Variants in NECTIN3 observed in about 807,000 individuals in gnomAD.
NECTIN3 encodes the protein nectin-3.
NECTIN3 carries 8 observed loss-of-function variants against 49.4 expected under a neutral mutation model. The observed-to-expected ratio is 0.16, with a 90% CI of 0.10 to 0.29. The LOEUF (loss-of-function observed/expected upper bound fraction) is 0.29, where lower values mean the gene tolerates loss of function less well. NECTIN3 is among the 10% of genes least tolerant of loss of function. The probability of loss-of-function intolerance (pLI) is 1.00; values close to 1 mark genes in which losing one functional copy is unlikely to be tolerated. For missense variants in NECTIN3, 581 were observed against 654.6 expected (o/e 0.89, Z 1.23); for synonymous variants, 277 against 241.1 (o/e 1.15, Z -1.38).
At chr3:111,075,462 A>C (rs990381589) in intron 1 of NECTIN3, among the ~76,000 whole-genome samples, 1 of 152,032 alleles carries the variant, frequency 6.6e-6, no homozygotes, top group African/African-American at 2.4e-5. Context: ...GCTGATGGAG[A>C]TCTTGTGAGA....
intron 1 of NECTIN3, among the ~76,000 whole-genome samples, chr3:111,087,713 T>G (rs939327866): frequency 6.6e-6 from 1 of 151,918 alleles, no homozygotes; most frequent in African/African-American, 2.4e-5. Flanking sequence ...TTTAATTTTA[T>G]TTTGAGACCG....
At chr3:111,156,474 A>T (rs1306592725) in intron 7 of NECTIN3, among the ~76,000 whole-genome samples, 8 of 152,234 alleles carry the variant, frequency 5.3e-5, no homozygotes, top group Admixed American at 2.0e-4. Context: ...AATTCAACAT[A>T]CATTTTGGTT....
chr3:111,153,752 T>A (rs2035043273), intron 7 of NECTIN3, among the ~76,000 whole-genome samples: 1 of 152,138 alleles, frequency 6.6e-6, no homozygotes, highest in Non-Finnish European at 1.5e-5. Flanking sequence ...AGCTTAGTAG[T>A]GCTTGAAATG....
In NECTIN3 at chr3:111,134,352, T is replaced by G. The variant is rs2034503070; in HGVS notation, c.*137T>G. 2 of 1,410,556 alleles carry G rather than the reference T, an allele frequency of 1.4e-6. No homozygotes were observed. The highest frequency in any genetic ancestry group is 1.8e-6 in the Non-Finnish European group (2 of 1,086,180). 87.4% of individuals were successfully genotyped at this position (1,410,556 alleles called of 1,614,324 possible). A position where few individuals can be genotyped will look rare whatever the true frequency, so the allele number is the denominator to read the frequency against. The stretch of plus-strand genomic sequence containing the variant: ...CAAGCTTACTTTTTATATTCTAATC[T>G]GACAAATGAAAATGTAAAATCTGAG... On this transcript the variant is annotated 3_prime_UTR_variant, in exon 6 of 6. Coordinates refer to ENST00000485303, the MANE Select transcript of NECTIN3 (RefSeq NM_015480.3).
downstream of NECTIN3, chr3:111,137,682 G>T (rs2034629113): frequency 5.1e-6 from 1 of 196,418 alleles, no homozygotes; most frequent in Non-Finnish European, 9.1e-6. Context: ...TTAATGATTT[G>T]TGGGAATCAG....
downstream of NECTIN3, among the ~76,000 whole-genome samples, chr3:111,141,977 G>C (rs183603249): frequency 5.9e-5 from 9 of 151,888 alleles, no homozygotes; most frequent in Non-Finnish European, 1.3e-4. Flanking sequence ...GTTTATTTGG[G>C]TTGGGAAAAG....
chr3:111,138,386 T>TAG (rs1469893304), downstream of NECTIN3, among the ~76,000 whole-genome samples: 2 of 151,600 alleles, frequency 1.3e-5, no homozygotes, highest in Non-Finnish European at 3.0e-5. Flanking sequence ...TAAACCAACT[T>TAG]TCATCTGTTT....
chr3:111,187,930 T>G (rs1266725555), upstream of NECTIN3, among the ~76,000 whole-genome samples: 2 of 152,168 alleles, frequency 1.3e-5, no homozygotes, highest in Non-Finnish European at 2.9e-5. Flanking sequence ...TAATGTAAAC[T>G]ATAAACTTTA....
At chr3:111,168,098 T>C (rs1237772645) in intron 7 of NECTIN3, among the ~76,000 whole-genome samples, 1 of 152,134 alleles carries the variant, frequency 6.6e-6, no homozygotes, top group East Asian at 1.9e-4. Context: ...GTTTAGAATT[T>C]TGGAGCATTT....
chr3:111,193,588 A>G, intron 1 of NECTIN3: 2 of 569,958 alleles, frequency 3.5e-6, no homozygotes, highest in Admixed American at 3.1e-5. Context: ...TGTGAACTTG[A>G]CTATAGCTTT....
intron 1 of NECTIN3, among the ~76,000 whole-genome samples, chr3:111,104,687 G>T (rs1399033015): frequency 1.3e-5 from 2 of 151,818 alleles, no homozygotes; most frequent in Non-Finnish European, 2.9e-5. Context: ...TATGTGTTTT[G>T]GTTCTTATCA....
chr3:111,129,653 ATTT>A (rs34318879), intron 5 of NECTIN3, among the ~76,000 whole-genome samples: 1 of 145,646 alleles, frequency 6.9e-6, no homozygotes. Context: ...ATATGAGATA[ATTT>A]TTTTTTTTTT....
chr3:111,159,804 A>C (rs1010917909), intron 7 of NECTIN3, among the ~76,000 whole-genome samples: 5 of 152,228 alleles, frequency 3.3e-5, no homozygotes, highest in African/African-American at 1.2e-4. Flanking sequence ...TTTCAACTTA[A>C]TTAGCCCTGA....
intron 1 of NECTIN3, among the ~76,000 whole-genome samples, chr3:111,090,592 GT>G (rs1290494657): frequency 1.1e-4 from 17 of 149,598 alleles, no homozygotes; most frequent in Non-Finnish European, 3.0e-5. Flanking sequence ...GTGTGTGTGT[GT>G]GTGTGTCTCA....
At chr3:111,145,937 C>G (rs2034862909) in intron 6 of NECTIN3, among the ~76,000 whole-genome samples, 2 of 152,142 alleles carry the variant, frequency 1.3e-5, no homozygotes, top group Admixed American at 1.3e-4. Context: ...ACAGCTCTGT[C>G]ATGATCAAAT....
intron 1 of NECTIN3, among the ~76,000 whole-genome samples, chr3:111,096,288 G>A (rs1461905939): frequency 6.6e-6 from 1 of 152,182 alleles, no homozygotes; most frequent in Non-Finnish European, 1.5e-5. Flanking sequence ...TTGATTTAGA[G>A]TATCTGGTGG....
chr3:111,082,488 G>A (rs985126481), intron 1 of NECTIN3, among the ~76,000 whole-genome samples: 2 of 152,096 alleles, frequency 1.3e-5, no homozygotes, highest in African/African-American at 4.8e-5. Context: ...CTATCGGAGG[G>A]AGAGAGAAGA....
At position 111,133,681 on chromosome 3, in the gene NECTIN3, C is replaced by T. The variant is rs763555663; in HGVS notation, c.1116C>T (p.Pro372=). 5 of 1,613,830 alleles carry T rather than the reference C, an allele frequency of 3.1e-6. No homozygotes were observed. In the South Asian group the frequency reaches 3.3e-5, roughly 11 times the overall value. ...TTCAGCCTACAATTCAGTGGCATCC[C>T]TCAACTGCTGACATCGAGGATCTAG... ...TTLQPTIQWH[P]STADIEDLAT... The change falls in exon 6 of 6, where the codon CCC becomes CCT. Residue 372 remains proline, a synonymous_variant. Transcript: ENST00000485303.
chr3:111,095,863 A>G (rs1320725769), intron 1 of NECTIN3, among the ~76,000 whole-genome samples: 1 of 152,170 alleles, frequency 6.6e-6, no homozygotes, highest in South Asian at 2.1e-4. Context: ...TGAGTTCTTC[A>G]TTAATCCTCT....
Sources: allele counts gnomAD v4.1 joint callset (sites outside exome capture counted in the v4.1 genomes callset), GRCh38; gene constraint gnomAD v4.1.1; transcripts MANE v1.5; gene names NCBI Gene and HGNC (gene_info 2026-07-23, HGNC 2026-07-21).